The following NAV3 variants were observed in gnomAD, a reference collection of about 807,000 sequenced individuals.
NAV3 encodes neuron navigator 3.
NAV3 carries 87 observed loss-of-function variants against 244.7 expected under a neutral mutation model. The ratio of observed to expected loss-of-function variants is 0.36; its 90% CI spans 0.30 to 0.42. The LOEUF (loss-of-function observed/expected upper bound fraction) is 0.42, where lower values mean the gene tolerates loss of function less well. Among genes scored for constraint, NAV3 ranks in the 20% least tolerant of loss-of-function variants. The pLI is 1.00. For synonymous variants in NAV3, 1,126 were observed against 1,042.2 expected (o/e 1.08, Z -1.55); for missense variants, 2,663 against 2,893.3 (o/e 0.92, Z 1.83).
chr12:77,936,442 C>T (rs1048778346), intron 1 of NAV3, among the ~76,000 whole-genome samples: 3 of 152,110 alleles, frequency 2.0e-5, no homozygotes, highest in African/African-American at 7.2e-5. Flanking sequence ...AGAGATAAAT[C>T]GTATTGGAAG....
chr12:77,694,744 A>G (rs1394043360), intron 2 of NAV3, among the ~76,000 whole-genome samples: 3 of 152,192 alleles, frequency 2.0e-5, no homozygotes, highest in Non-Finnish European at 4.4e-5. Context: ...TGTCAAGACT[A>G]TCACAATAGA....
chr12:77,771,145 CA>C (rs1191045709), intron 2 of NAV3, among the ~76,000 whole-genome samples: 1 of 151,986 alleles, frequency 6.6e-6, no homozygotes, highest in African/African-American at 2.4e-5. Flanking sequence ...TTTATGCAGC[CA>C]AAAAACACAT....
intron 1 of NAV3, among the ~76,000 whole-genome samples, chr12:77,911,254 G>C (rs946929952): frequency 2.0e-5 from 3 of 152,110 alleles, no homozygotes; most frequent in Admixed American, 6.6e-5. Context: ...GCCAGAAACA[G>C]ATGATCTGTC....
At chr12:78,085,301 G>T (rs1182420926) in intron 12 of NAV3, among the ~76,000 whole-genome samples, 1 of 152,128 alleles carries the variant, frequency 6.6e-6, no homozygotes, top group African/African-American at 2.4e-5. Context: ...TCAGACTGAA[G>T]AAGCAACCCC....
chr12:78,142,546 A>G (rs1414372692), intron 20 of NAV3, among the ~76,000 whole-genome samples: 2 of 151,636 alleles, frequency 1.3e-5, no homozygotes, highest in Non-Finnish European at 2.9e-5. Context: ...CACAAGGGGT[A>G]CATTTGTAGA....
chr12:77,883,013 G>T (rs1409656612), intron 1 of NAV3, among the ~76,000 whole-genome samples: 1 of 152,108 alleles, frequency 6.6e-6, no homozygotes, highest in Non-Finnish European at 1.5e-5. Context: ...CAGCCTCTGT[G>T]GAAAGCAGTT....
intron 2 of NAV3, among the ~76,000 whole-genome samples, chr12:77,702,740 C>A (rs113167612): frequency 6.6e-6 from 1 of 151,850 alleles, no homozygotes; most frequent in African/African-American, 2.4e-5. Context: ...TAGTTTTATA[C>A]ACATTAGAAA....
At chr12:78,207,725 G>A (rs1960471009) in intron 39 of NAV3, among the ~76,000 whole-genome samples, 1 of 152,178 alleles carries the variant, frequency 6.6e-6, no homozygotes, top group Non-Finnish European at 1.5e-5. Flanking sequence ...TAAAACTGTG[G>A]AAGTATACAA....
chr12:78,152,568 T>A (rs1378402584), intron 22 of NAV3, among the ~76,000 whole-genome samples: 3 of 152,056 alleles, frequency 2.0e-5, no homozygotes, highest in Non-Finnish European at 4.4e-5. Flanking sequence ...TGCATCATAA[T>A]CAGCCATCAA....
intron 12 of NAV3, among the ~76,000 whole-genome samples, chr12:78,111,473 CA>C (rs1283725163): frequency 6.6e-5 from 10 of 151,836 alleles, no homozygotes; most frequent in African/African-American, 1.9e-4. Flanking sequence ...TACATGTCAC[CA>C]AAAAATATAT....
chr12:77,956,694 T>C (rs992434337), intron 3 of NAV3, among the ~76,000 whole-genome samples: 8 of 151,950 alleles, frequency 5.3e-5, no homozygotes, highest in African/African-American at 9.7e-5. Flanking sequence ...TTCCTCCTTC[T>C]GATGCTTGTC....
chr12:78,071,835 C>T (rs1952786560), intron 12 of NAV3, among the ~76,000 whole-genome samples: 1 of 152,188 alleles, frequency 6.6e-6, no homozygotes, highest in Non-Finnish European at 1.5e-5. Context: ...AACAAACTAT[C>T]TCTCAGACCA....
intron 2 of NAV3, among the ~76,000 whole-genome samples, chr12:77,714,038 A>G (rs775543425): frequency 5.9e-5 from 9 of 152,122 alleles, no homozygotes; most frequent in Non-Finnish European, 8.8e-5. Flanking sequence ...TTGCAGATCT[A>G]TATATTTTCT....
chr12:78,074,634 G>A (rs1228542382), intron 12 of NAV3, among the ~76,000 whole-genome samples: 1 of 152,174 alleles, frequency 6.6e-6, no homozygotes, highest in African/African-American at 2.4e-5. Flanking sequence ...AGCCTGGGAG[G>A]TGGAGGTTGC....
At chr12:77,628,747 C>T (rs968392684) in intron 2 of NAV3, among the ~76,000 whole-genome samples, 21 of 151,508 alleles carry the variant, frequency 1.4e-4, no homozygotes, top group Admixed American at 7.2e-4. Flanking sequence ...AAAAATTAGC[C>T]GGGCACGGTG....
chr12:77,869,065 A>ACAAG (rs1880541954), intron 1 of NAV3, among the ~76,000 whole-genome samples: 1 of 151,922 alleles, frequency 6.6e-6, no homozygotes, highest in African/African-American at 2.4e-5. Flanking sequence ...AAACAAACAA[A>ACAAG]CAAAACTTTA....
intron 2 of NAV3, among the ~76,000 whole-genome samples, chr12:77,714,046 T>C: frequency 6.6e-6 from 1 of 152,224 alleles, no homozygotes; most frequent in Admixed American, 6.5e-5. Context: ...CTATATATTT[T>C]CTTAGCTTCT....
At chr12:78,157,887 T>C (rs1031729328) in intron 22 of NAV3, among the ~76,000 whole-genome samples, 1 of 152,058 alleles carries the variant, frequency 6.6e-6, no homozygotes, top group African/African-American at 2.4e-5. Context: ...CTTTAGTAGA[T>C]GTATTCCCTA....
intron 2 of NAV3, among the ~76,000 whole-genome samples, chr12:77,639,875 TCTGA>T (rs1872328072): frequency 6.6e-6 from 1 of 152,320 alleles, no homozygotes; most frequent in Non-Finnish European, 1.5e-5. Context: ...GAGACTCAAG[TCTGA>T]CTGGAGGCCT....
Sources: gnomAD v4.1 joint callset for allele counts (sites outside exome capture counted in the v4.1 genomes callset) on GRCh38, gnomAD v4.1.1 for gene constraint, MANE v1.5 for transcripts, NCBI Gene and HGNC (gene_info 2026-07-23, HGNC 2026-07-21) for gene names.